NELL1: variants seen among roughly 807,000 people sequenced by gnomAD.
NELL1 encodes the protein protein kinase C-binding protein NELL1.
In NELL1, 76 loss-of-function variants were observed where a neutral mutation model predicts 107.4. The observed-to-expected ratio is 0.71, with a 90% CI of 0.59 to 0.86. The LOEUF is 0.86. Among genes scored for constraint, NELL1 ranks in the 40% least tolerant of loss-of-function variants. The pLI, the probability that NELL1 is intolerant of heterozygous loss-of-function variation, is 0.00. For synonymous variants in NELL1, 353 were observed against 341.2 expected (o/e 1.03, Z -0.38); for missense variants, 1,024 against 1,005.5 (o/e 1.02, Z -0.25).
chr11:20,676,696 G>A (rs1207761273), intron 1 of NELL1, among the ~76,000 whole-genome samples: 3 of 152,204 alleles, frequency 2.0e-5, no homozygotes, highest in African/African-American at 7.2e-5. Context: ...CTCCAAGGCT[G>A]TAGGACCAGG....
At chr11:20,767,178 C>A (rs534301535) in intron 2 of NELL1, among the ~76,000 whole-genome samples, 3 of 152,162 alleles carry the variant, frequency 2.0e-5, no homozygotes, top group African/African-American at 4.8e-5. Flanking sequence ...TGCGGACCTT[C>A]GCGGTGAGTG....
chr11:21,278,626 T>TA (rs540645733), intron 14 of NELL1, among the ~76,000 whole-genome samples: 273 of 152,008 alleles, frequency 1.8e-3, no homozygotes, highest in African/African-American at 6.2e-3. Flanking sequence ...AAACTCAGTT[T>TA]AAAAAAAATC....
intron 14 of NELL1, among the ~76,000 whole-genome samples, chr11:21,299,850 CTTTAA>C (rs1210959743): frequency 2.0e-5 from 3 of 151,836 alleles, no homozygotes; most frequent in Admixed American, 6.6e-5. Flanking sequence ...GTAATATTTT[CTTTAA>C]TTTGTTTTTC....
chr11:20,945,917 G>C (rs1487145947), intron 10 of NELL1, among the ~76,000 whole-genome samples: 1 of 152,160 alleles, frequency 6.6e-6, no homozygotes, highest in Non-Finnish European at 1.5e-5. Flanking sequence ...AGAAAGTTAA[G>C]AGTTACCTTG....
At chr11:21,565,491 G>T (rs532479754) in intron 17 of NELL1, among the ~76,000 whole-genome samples, 1 of 151,970 alleles carries the variant, frequency 6.6e-6, no homozygotes, top group Admixed American at 6.6e-5. Context: ...AGTATTTTCT[G>T]GTTCAGTAGA....
intron 13 of NELL1, among the ~76,000 whole-genome samples, chr11:21,114,062 T>C (rs1225024325): frequency 1.3e-5 from 2 of 152,008 alleles, no homozygotes; most frequent in Non-Finnish European, 2.9e-5. Flanking sequence ...GGTGTTTTTG[T>C]AGATAAGAAA....
chr11:21,314,003 C>A (rs1053347260), intron 14 of NELL1, among the ~76,000 whole-genome samples: 9 of 113,516 alleles, frequency 7.9e-5, no homozygotes, highest in East Asian at 7.2e-4. Context: ...CCCCCCCCCC[C>A]CCCCCCGCGA....
intron 2 of NELL1, among the ~76,000 whole-genome samples, chr11:20,708,631 G>T (rs113516218): frequency 6.6e-6 from 1 of 151,946 alleles, no homozygotes; most frequent in Non-Finnish European, 1.5e-5. Context: ...TTAGTTCTTT[G>T]TCAGATGCAT....
chr11:21,490,810 T>G lies in NELL1; in HGVS notation c.1646-43564T>G, dbSNP rs1455240487. Among the ~76,000 whole-genome samples, 11 of 152,020 alleles carry G rather than the reference T, an allele frequency of 7.2e-5. No homozygotes were observed. The East Asian group carries it at 2.1e-3, about 29-fold the overall frequency. Reference sequence around the variant, plus strand: ...ATACAAAAATAAACTCAAGATCAATTAAGGACTTAAACATAAGACCTGAAA... The same window carrying G: ...ATACAAAAATAAACTCAAGATCAATGAAGGACTTAAACATAAGACCTGAAA... On this transcript the variant is annotated intron_variant, in intron 15 of 19. Transcript: ENST00000357134.
At chr11:20,861,865 A>C (rs1299642996) in intron 4 of NELL1, among the ~76,000 whole-genome samples, 1 of 152,200 alleles carries the variant, frequency 6.6e-6, no homozygotes, top group Non-Finnish European at 1.5e-5. Flanking sequence ...AGCTTTTCTA[A>C]GTCTCAATCA....
At chr11:20,692,344 C>T (rs1289840721) in intron 2 of NELL1, among the ~76,000 whole-genome samples, 4 of 151,712 alleles carry the variant, frequency 2.6e-5, no homozygotes, top group Non-Finnish European at 4.4e-5. Flanking sequence ...AATGTGTTTG[C>T]TCTTGCTTCT....
At chr11:20,999,434 CTGT>C (rs1407893882) in intron 12 of NELL1, among the ~76,000 whole-genome samples, 1 of 152,166 alleles carries the variant, frequency 6.6e-6, no homozygotes, top group Admixed American at 6.5e-5. Context: ...TGACAACCAC[CTGT>C]TGTTCTGTTC....
intron 15 of NELL1, among the ~76,000 whole-genome samples, chr11:21,412,034 C>G (rs1219933242): frequency 1.3e-5 from 2 of 152,028 alleles, no homozygotes; most frequent in African/African-American, 4.8e-5. Context: ...TAGTAGGAGA[C>G]ATAAATTTGT....
At chr11:21,229,878 C>T (rs1187481076) in intron 14 of NELL1, among the ~76,000 whole-genome samples, 1 of 152,150 alleles carries the variant, frequency 6.6e-6, no homozygotes, top group Non-Finnish European at 1.5e-5. Context: ...AGCAGTTTAT[C>T]AATTCAGAGG....
At chr11:21,010,520 C>G (rs1472611869) in intron 12 of NELL1, among the ~76,000 whole-genome samples, 1 of 152,082 alleles carries the variant, frequency 6.6e-6, no homozygotes, top group Non-Finnish European at 1.5e-5. Context: ...AATCTCCATT[C>G]TTTGACCTAA....
At chr11:20,978,511 C>G (rs1439545988) in intron 12 of NELL1, among the ~76,000 whole-genome samples, 4 of 152,072 alleles carry the variant, frequency 2.6e-5, no homozygotes. Flanking sequence ...TATATTTACT[C>G]TCTTTATGGG....
At chr11:21,510,728 A>G (rs1007387362) in intron 15 of NELL1, among the ~76,000 whole-genome samples, 2 of 151,852 alleles carry the variant, frequency 1.3e-5, no homozygotes, top group Admixed American at 1.3e-4. Flanking sequence ...ACTGACATCT[A>G]CTCTATATTT....
Position 20,938,932 on chromosome 11 carries a change from CTCTCTCTCTGTGTG to C in NELL1, c.1071+1075_1071+1088del, listed in dbSNP as rs1199121424. On this transcript the variant is annotated intron_variant, in intron 10 of 19. Coordinates refer to ENST00000357134, the MANE Select transcript of NELL1 (RefSeq NM_006157.5). ...TGTCTCTCTCTCTCTCTCTCTCTCT[CTCTCTCTCTGTGTG>C]TGTGTGTGTGTGTGTGTGCATGCAC... Among the ~76,000 whole-genome samples the C allele has an allele frequency of 2.3e-4, 32 of 140,686 alleles. 1 individual carries two copies. The East Asian group carries it at 5.0e-3, about 22-fold the overall frequency. 92.3% of individuals were successfully genotyped at this position (140,686 alleles called of 152,430 possible).
intron 14 of NELL1, among the ~76,000 whole-genome samples, chr11:21,354,638 A>G (rs1850889329): frequency 6.6e-6 from 1 of 152,236 alleles, no homozygotes; most frequent in Admixed American, 6.5e-5. Flanking sequence ...ACAAAAGCAG[A>G]AAATGCTTTA....
Sources: gnomAD v4.1 joint callset for allele counts (sites outside exome capture counted in the v4.1 genomes callset) on GRCh38, gnomAD v4.1.1 for gene constraint, MANE v1.5 for transcripts, NCBI Gene and HGNC (gene_info 2026-07-23, HGNC 2026-07-21) for gene names.